CD163L1: variants seen among roughly 807,000 people sequenced by gnomAD.
CD163L1 encodes the protein CD163 molecule like 1, also known as scavenger receptor cysteine-rich type 1 protein M160.
In CD163L1, 124 loss-of-function variants were observed where a neutral mutation model predicts 165.4. The ratio of observed to expected loss-of-function variants is 0.75; its 90% confidence interval spans 0.65 to 0.87. The LOEUF is 0.87. CD163L1 is among the 40% of genes least tolerant of loss of function. The probability of loss-of-function intolerance (pLI) is 0.00; values close to 1 mark genes in which losing one functional copy is unlikely to be tolerated. For synonymous variants in CD163L1, 585 were observed against 662.2 expected (o/e 0.88, Z 1.79); for missense variants, 1,525 against 1,799.9 (o/e 0.85, Z 2.76).
At chr12:7,345,659 A>G (rs1946665178), downstream of CD163L1, among the ~76,000 whole-genome samples, 1 of 152,112 alleles carries the variant, frequency 6.6e-6, no homozygotes, top group Non-Finnish European at 1.5e-5. Context: ...GCCCCACTCC[A>G]CAGCACCAAT....
chr12:7,369,292 C>T lies in CD163L1; in HGVS notation c.4039+65G>A. 3 of 1,502,854 alleles carry T rather than the reference C, an allele frequency of 2.0e-6. No individual in the cohort carries two copies. In the South Asian group the frequency reaches 3.7e-5, roughly 18 times the overall value. The allele number at this position is 1,502,854 out of a possible 1,614,324, so 93.1% of individuals were successfully genotyped here. A position where few individuals can be genotyped will look rare whatever the true frequency, so the allele number is the denominator to read the frequency against. The stretch of plus-strand genomic sequence containing the variant: ...CTTCAGCTCAACTCTCTGAGTGAGC[C>T]TGTTTCCCAGTGTTCTCTACCATTA... On this transcript the variant is annotated intron_variant, in intron 15 of 19. Transcript: ENST00000313599. This position sits in a 1 kb window ranked among gnomAD's most constrained non-coding sequence, Gnocchi z 4.9.
intron 8 of CD163L1, among the ~76,000 whole-genome samples, chr12:7,380,335 A>ACGTATACACACATGTATGTGTGTATACG (rs1947362538): frequency 8.9e-6 from 1 of 112,386 alleles, no homozygotes; most frequent in Non-Finnish European, 1.9e-5. Flanking sequence ...GTATGTATAC[A>ACGTATACACACATGTATGTGTGTATACG]CGTATACATA....
intron 7 of CD163L1, among the ~76,000 whole-genome samples, chr12:7,397,541 A>T (rs1018034353): frequency 6.6e-6 from 1 of 152,174 alleles, no homozygotes; most frequent in Non-Finnish European, 1.5e-5. Context: ...TTGAAACCCT[A>T]AATTCTACTG....
chr12:7,421,248 A>ATATATATG (rs1948374881), intron 4 of CD163L1, among the ~76,000 whole-genome samples: 1 of 127,066 alleles, frequency 7.9e-6, no homozygotes, highest in South Asian at 2.4e-4. Flanking sequence ...CATTTGGAAG[A>ATATATATG]TATATATGTA....
chr12:7,342,919 C>T (rs1946646887), downstream of CD163L1, among the ~76,000 whole-genome samples: 1 of 152,184 alleles, frequency 6.6e-6, no homozygotes, highest in South Asian at 2.1e-4. Context: ...GTTTTCTTTT[C>T]ACGTAAATCT....
At chr12:7,344,910 G>A (rs1215441585), downstream of CD163L1, among the ~76,000 whole-genome samples, 1 of 152,222 alleles carries the variant, frequency 6.6e-6, no homozygotes, top group Non-Finnish European at 1.5e-5. Context: ...AGTGTCCCCA[G>A]GCTGCACAGG....
At chr12:7,440,146 C>T (rs1036546027) in intron 2 of CD163L1, among the ~76,000 whole-genome samples, 6 of 152,272 alleles carry the variant, frequency 3.9e-5, no homozygotes, top group Non-Finnish European at 5.9e-5. Flanking sequence ...ACGTCCCGCT[C>T]AGGCTCCGCC....
At chr12:7,330,724 T>C in the CD163L1 span, among the ~76,000 whole-genome samples, 2 of 152,194 alleles carry the variant, frequency 1.3e-5, no homozygotes, top group South Asian at 2.1e-4. Flanking sequence ...GTGGGTTATA[T>C]AGCAAGATTT....
chr12:7,379,443 T>C (rs1395544503), intron 8 of CD163L1, 145 bp from the exon 9 acceptor site: 2 of 731,444 alleles, frequency 2.7e-6, no homozygotes, highest in African/African-American at 3.5e-5. Flanking sequence ...TTTAATTTTA[T>C]TTTTTACTTT....
intron 4 of CD163L1, among the ~76,000 whole-genome samples, chr12:7,420,269 G>A (rs908504198): frequency 3.3e-5 from 5 of 151,728 alleles, no homozygotes; most frequent in African/African-American, 1.2e-4. Flanking sequence ...AGATAACATC[G>A]GAAAAACCCT....
intron 8 of CD163L1, among the ~76,000 whole-genome samples, chr12:7,387,954 G>C (rs1947557415): frequency 6.6e-6 from 1 of 152,112 alleles, no homozygotes; most frequent in African/African-American, 2.4e-5. Context: ...AAACAGAATA[G>C]AGAACCTAGA....
chr12:7,418,109 C>T (rs1020698002), intron 4 of CD163L1, among the ~76,000 whole-genome samples: 7 of 151,996 alleles, frequency 4.6e-5, no homozygotes, highest in African/African-American at 1.7e-4. Flanking sequence ...ATGGAATATT[C>T]TCTAAAATAG....
chr12:7,440,847 G>A (rs1374648919), intron 2 of CD163L1, among the ~76,000 whole-genome samples: 2 of 151,986 alleles, frequency 1.3e-5, no homozygotes, highest in African/African-American at 4.8e-5. Context: ...GGCTGGTCTC[G>A]AACTCCTGAC....
At chr12:7,380,335 A>ACGTATACATACATGTATGTGTGTATACG (rs1388706889) in intron 8 of CD163L1, among the ~76,000 whole-genome samples, 54,549 of 111,728 alleles carry the variant, frequency 0.49, 17,148 homozygotes, top group Non-Finnish European at 0.63. Context: ...GTATGTATAC[A>ACGTATACATACATGTATGTGTGTATACG]CGTATACATA....
chr12:7,375,479 G>A lies in CD163L1; in HGVS notation c.2803C>T (p.Arg935Cys), dbSNP rs372569384. 3.0e-5 allele frequency: 48 copies of A among 1,613,978 alleles called. 1 individual carries two copies. The Middle Eastern group carries it at 8.2e-4, about 28-fold the overall frequency. Reference protein sequence around the residue: ...CDTHWDPEDARVLCRQLSCGT... With the variant: ...CDTHWDPEDACVLCRQLSCGT... The stretch of plus-strand genomic sequence containing the variant: ...CAGCTGAGCTGTCTGCATAGAACAC[G>A]GGCATCTTCTGGGTCCCAGTGGGTG... The change falls in exon 11 of 20, where the codon CGT becomes TGT. Residue 935 changes from arginine to cysteine, a missense_variant. By Grantham distance (180) the Arg-to-Cys change is radical (BLOSUM62 -3). Transcript: ENST00000313599.
At chr12:7,396,711 A>T (rs759322078) in intron 7 of CD163L1, among the ~76,000 whole-genome samples, 1 of 152,190 alleles carries the variant, frequency 6.6e-6, no homozygotes, top group Non-Finnish European at 1.5e-5. Context: ...CAAGACTGCA[A>T]CATCAGCTCT....
intron 4 of CD163L1, among the ~76,000 whole-genome samples, chr12:7,413,058 T>C (rs1948169143): frequency 7.3e-6 from 1 of 137,178 alleles, no homozygotes. Flanking sequence ...ATCATGCCAC[T>C]GTACTCCTGA....
At chr12:7,439,959 C>T in intron 2 of CD163L1, 3 of 1,572,422 alleles carry the variant, frequency 1.9e-6, no homozygotes, top group South Asian at 1.2e-5. Context: ...GGGCTGCGGT[C>T]ACACTCGCTC....
At chr12:7,428,637 T>C (rs1948582862) in intron 4 of CD163L1, among the ~76,000 whole-genome samples, 1 of 152,092 alleles carries the variant, frequency 6.6e-6, no homozygotes. Flanking sequence ...AGCTGTACTG[T>C]ATCAAACCTA....
Sources: allele counts gnomAD v4.1 joint callset (sites outside exome capture counted in the v4.1 genomes callset), GRCh38; gene constraint gnomAD v4.1.1; non-coding constraint Gnocchi (gnomAD v3.1); transcripts MANE v1.5; gene names NCBI Gene and HGNC (gene_info 2026-07-23, HGNC 2026-07-21).